DLG2: variants seen among roughly 807,000 people sequenced by gnomAD.
DLG2 encodes the protein discs large MAGUK scaffold protein 2, also known as disks large homolog 2.
In DLG2, 45 loss-of-function variants were observed where a neutral mutation model predicts 132.5. The observed-to-expected ratio is 0.34, with a 90% CI of 0.27 to 0.44. The LOEUF (loss-of-function observed/expected upper bound fraction) is 0.44, where lower values mean the gene tolerates loss of function less well. Among genes scored for constraint, DLG2 ranks in the 20% least tolerant of loss-of-function variants. DLG2 has a pLI of 1.00. For synonymous variants in DLG2, 424 were observed against 419.6 expected, an observed-to-expected ratio of 1.01 and a Z score of -0.13; for missense variants, 1,045 against 1,196.9, an observed-to-expected ratio of 0.87 and a Z score of 1.87.
intron 6 of DLG2, among the ~76,000 whole-genome samples, chr11:84,773,689 C>T (rs983343972): frequency 6.6e-6 from 1 of 152,010 alleles, no homozygotes; most frequent in African/African-American, 2.4e-5. Flanking sequence ...AAAACAAAAA[C>T]CATATCATCT....
intron 8 of DLG2, among the ~76,000 whole-genome samples, chr11:84,180,733 C>T (rs1177353374): frequency 6.6e-6 from 1 of 151,730 alleles, no homozygotes; most frequent in Non-Finnish European, 1.5e-5. Flanking sequence ...TATATCTGAA[C>T]CCCCCCAGAA....
intron 7 of DLG2, among the ~76,000 whole-genome samples, chr11:84,469,748 T>A (rs1228538414): frequency 1.3e-5 from 2 of 151,562 alleles, no homozygotes; most frequent in African/African-American, 4.8e-5. Flanking sequence ...GCAGCCTTAT[T>A]AAATAGTCAC....
chr11:85,182,940 G>A (rs1389639818), intron 4 of DLG2, among the ~76,000 whole-genome samples: 1 of 150,728 alleles, frequency 6.6e-6, no homozygotes, highest in African/African-American at 2.4e-5. Flanking sequence ...TGACAGAGTC[G>A]ATGCATCTCC....
At chr11:83,797,490 G>T (rs925790821) in intron 17 of DLG2, among the ~76,000 whole-genome samples, 1 of 151,802 alleles carries the variant, frequency 6.6e-6, no homozygotes, top group African/African-American at 2.4e-5. Flanking sequence ...TGTGGTTTAA[G>T]TGTCTGCATT....
At chr11:84,210,262 G>A (rs1486049936) in intron 8 of DLG2, among the ~76,000 whole-genome samples, 1 of 151,654 alleles carries the variant, frequency 6.6e-6, no homozygotes, top group Non-Finnish European at 1.5e-5. Flanking sequence ...TAGCCTGGGT[G>A]ACAGAGTGAT....
chr11:84,777,324 T>TATATATAC lies in DLG2; in HGVS notation c.358-242594_358-242593insGTATATAT, dbSNP rs1449220928. 4.7e-3 allele frequency among the ~76,000 whole-genome samples: 498 copies of TATATATAC among 105,502 alleles called. 3 individuals carry two copies. Among genetic ancestry groups the TATATATAC allele is most frequent in the Non-Finnish European group, 6.1e-3 (316 of 52,004 alleles). 69.2% of individuals were successfully genotyped at this position (105,502 alleles called of 152,430 possible). A position where few individuals can be genotyped will look rare whatever the true frequency, so the allele number is the denominator to read the frequency against. On this transcript the variant is annotated intron_variant, in intron 6 of 27. Transcript: ENST00000376104. The stretch of plus-strand genomic sequence containing the variant: ...ATATATATATATATATATATATATA[T>TATATATAC]ACGTTTTCTTTACCCAGTCATCCAC...
intron 19 of DLG2, among the ~76,000 whole-genome samples, chr11:83,623,092 C>G (rs1260803679): frequency 6.6e-6 from 1 of 152,130 alleles, no homozygotes; most frequent in Non-Finnish European, 1.5e-5. Flanking sequence ...AGTCCGGGTG[C>G]TCCAATGTTG....
chr11:84,368,312 C>A (rs773038706), intron 7 of DLG2, among the ~76,000 whole-genome samples: 3 of 151,990 alleles, frequency 2.0e-5, no homozygotes, highest in African/African-American at 2.4e-5. Context: ...CAACTTTCTA[C>A]CTCACATTCT....
intron 21 of DLG2, among the ~76,000 whole-genome samples, chr11:83,489,007 C>T (rs2093686964): frequency 6.6e-6 from 1 of 151,936 alleles, no homozygotes; most frequent in Non-Finnish European, 1.5e-5. Context: ...ACATGTGTGT[C>T]TATAACATTG....
chr11:85,167,602 T>C (rs1200438678), intron 4 of DLG2, among the ~76,000 whole-genome samples: 1 of 152,144 alleles, frequency 6.6e-6, no homozygotes, highest in African/African-American at 2.4e-5. Flanking sequence ...CAAACAGGCC[T>C]TAAGTCTGCC....
At chr11:85,029,172 G>C (rs2060799822) in intron 6 of DLG2, among the ~76,000 whole-genome samples, 1 of 149,378 alleles carries the variant, frequency 6.7e-6, no homozygotes, top group Non-Finnish European at 1.5e-5. Flanking sequence ...AGAATAACTG[G>C]AATTCATCAA....
intron 15 of DLG2, among the ~76,000 whole-genome samples, chr11:83,878,342 A>G (rs2065289315): frequency 6.6e-6 from 1 of 152,244 alleles, no homozygotes; most frequent in African/African-American, 2.4e-5. Context: ...TAAGGCCCCC[A>G]TGACTTCTTG....
intron 12 of DLG2, among the ~76,000 whole-genome samples, chr11:83,976,417 T>C (rs539508976): frequency 3.3e-5 from 5 of 151,998 alleles, no homozygotes; most frequent in South Asian, 2.1e-4. Context: ...TGGTACATCA[T>C]AGAATCTAAA....
At chr11:84,534,075 T>A (rs1466230041) in intron 7 of DLG2, among the ~76,000 whole-genome samples, 1 of 152,174 alleles carries the variant, frequency 6.6e-6, no homozygotes, top group Non-Finnish European at 1.5e-5. Flanking sequence ...GGGAAAAGTA[T>A]GACAATGAAT....
At chr11:83,883,193 C>CA (rs1555116146) in intron 15 of DLG2, among the ~76,000 whole-genome samples, 6 of 151,992 alleles carry the variant, frequency 3.9e-5, no homozygotes, top group African/African-American at 1.5e-4. Flanking sequence ...GTTCCTTCAT[C>CA]TTTTTTTTAT....
Position 83,930,290 on chromosome 11 carries a change from C to T in DLG2, c.1496+38G>A, listed in dbSNP as rs1404741862. The T allele has an allele frequency of 2.5e-6, 4 of 1,607,076 alleles. No individual in the cohort carries two copies. The South Asian group carries it at 4.4e-5, about 18-fold the overall frequency. On this transcript the variant is annotated intron_variant, in intron 15 of 27. Transcript: ENST00000376104. ...CCATTTATCCTTGTGGAAGCACATG[C>T]AGTTCGAGAAGATGAAGTGAGGAAG...
At chr11:84,271,949 C>CAAAAAAAA (rs71036417) in intron 7 of DLG2, among the ~76,000 whole-genome samples, 13 of 77,760 alleles carry the variant, frequency 1.7e-4, no homozygotes, top group East Asian at 1.5e-3. Context: ...TTGATAATAA[C>CAAAAAAAA]AAAAAAAAAA....
At chr11:83,676,157 T>C (rs1273350790) in intron 18 of DLG2, among the ~76,000 whole-genome samples, 1 of 152,162 alleles carries the variant, frequency 6.6e-6, no homozygotes, top group Non-Finnish European at 1.5e-5. Flanking sequence ...GGGGTGGATA[T>C]AAGCCAGTCT....
chr11:83,934,607 A>T (rs955840088), intron 14 of DLG2, among the ~76,000 whole-genome samples: 1 of 151,130 alleles, frequency 6.6e-6, no homozygotes, highest in African/African-American at 2.4e-5. Flanking sequence ...AAGGAATATG[A>T]CTCTCTTCTC....
Sources: gnomAD v4.1 joint callset for allele counts (sites outside exome capture counted in the v4.1 genomes callset) on GRCh38, gnomAD v4.1.1 for gene constraint, MANE v1.5 for transcripts, NCBI Gene and HGNC (gene_info 2026-07-23, HGNC 2026-07-21) for gene names.